The following AFAP1L2 variants were observed in gnomAD, a reference collection of about 807,000 sequenced individuals.
AFAP1L2 encodes actin filament-associated protein 1-like 2.
Under a neutral mutation model 99.3 loss-of-function variants are expected in AFAP1L2, and 46 were observed. That is an observed-to-expected ratio of 0.46 (90% CI 0.37 to 0.59). The LOEUF is 0.59. Among genes scored for constraint, AFAP1L2 ranks in the 20% least tolerant of loss-of-function variants. The pLI, the probability that AFAP1L2 is intolerant of heterozygous loss-of-function variation, is 0.00. For synonymous variants in AFAP1L2, 397 were observed against 419.1 expected, an observed-to-expected ratio of 0.95 and a Z score of 0.64; for missense variants, 959 against 1,034.9, an observed-to-expected ratio of 0.93 and a Z score of 1.01.
intron 1 of AFAP1L2, among the ~76,000 whole-genome samples, chr10:114,369,317 C>T (rs907027435): frequency 2.6e-5 from 4 of 152,134 alleles, no homozygotes; most frequent in African/African-American, 9.7e-5. Context: ...ACAAACAGGC[C>T]GGGCACAGTG....
rs747277134 is a variant in AFAP1L2 at position 114,382,588 on chromosome 10, C to CTTCTTTTTTTTTTTTTTT, written c.16+21851_16+21852insAAAAAAAAAAAAAAAGAA. ...CAATGATATTATGTATATTTCTTCT[C>CTTCTTTTTTTTTTTTTTT]TTTTTTTTTTTTTTTTTTTTTTGAG... On this transcript the variant is annotated intron_variant, in intron 1 of 18. Transcript: ENST00000304129. Among the ~76,000 whole-genome samples the CTTCTTTTTTTTTTTTTTT allele has an allele frequency of 3.2e-5, 3 of 93,296 alleles. 1 individual carries two copies. Among genetic ancestry groups the CTTCTTTTTTTTTTTTTTT allele is most frequent in the African/African-American group, 1.2e-4 (3 of 24,584 alleles). 61.2% of individuals were successfully genotyped at this position (93,296 alleles called of 152,430 possible). A position where few individuals can be genotyped will look rare whatever the true frequency, so the allele number is the denominator to read the frequency against.
chr10:114,304,689 G>C, intron 11 of AFAP1L2, 30 bp downstream of exon 11: 1 of 1,561,348 alleles, frequency 6.4e-7, no homozygotes. Flanking sequence ...CACCCTGGCT[G>C]GCCCTGCTCC....
At chr10:114,404,836 G>A, upstream of AFAP1L2, 1 of 213,610 alleles carries the variant, frequency 4.7e-6, no homozygotes, top group Non-Finnish European at 9.2e-6. Flanking sequence ...GGCTCCGGGA[G>A]GCCGGGCTTG....
chr10:114,382,259 A>G (rs1285568850), intron 1 of AFAP1L2, among the ~76,000 whole-genome samples: 1 of 56,946 alleles, frequency 1.8e-5, no homozygotes, highest in East Asian at 5.9e-4. Context: ...ATTGGGGGAA[A>G]ATGTAAATGC....
At chr10:114,343,212 A>G (rs1228280497) in intron 1 of AFAP1L2, among the ~76,000 whole-genome samples, 2 of 152,260 alleles carry the variant, frequency 1.3e-5, no homozygotes, top group East Asian at 3.9e-4. Flanking sequence ...AACCCAAACA[A>G]TTCTTCCCCC....
At chr10:114,364,578 C>T (rs750199096) in intron 1 of AFAP1L2, among the ~76,000 whole-genome samples, 7 of 152,180 alleles carry the variant, frequency 4.6e-5, no homozygotes, top group Admixed American at 6.5e-5. Context: ...ACACCAGTCA[C>T]GGGATAAGTG....
At chr10:114,293,393 C>T (rs1163860538), downstream of AFAP1L2, among the ~76,000 whole-genome samples, 2 of 152,160 alleles carry the variant, frequency 1.3e-5, no homozygotes, top group Admixed American at 1.3e-4. Flanking sequence ...GATTGAATTA[C>T]TTGGATTTAA....
chr10:114,285,854 T>A, the AFAP1L2 span: 1 of 1,349,016 alleles, frequency 7.4e-7, no homozygotes, highest in Non-Finnish European at 9.9e-7. Context: ...ATCTCCCTCC[T>A]GGGAGATGTT....
intron 1 of AFAP1L2, among the ~76,000 whole-genome samples, chr10:114,374,160 G>T (rs573804418): frequency 6.6e-6 from 1 of 151,960 alleles, no homozygotes; most frequent in Non-Finnish European, 1.5e-5. Flanking sequence ...ATGTTTTGTC[G>T]GTTATTTCAT....
In AFAP1L2 at chr10:114,297,109, AT is replaced by A. The variant is rs1213460903; in HGVS notation, c.2308-10del. On this transcript the variant is annotated splice_polypyrimidine_tract_variant and intron_variant, in intron 17 of 18. Transcript: ENST00000304129. ...GGTGTGACAGCTTTGGGCTGTGGTT[AT>A]AGGAGGAGAGCAAGGGCTGAGTCAA... 6.2e-7 allele frequency: 1 copy of A among 1,613,942 alleles called. No homozygotes were observed. The highest frequency in any genetic ancestry group is 8.5e-7 in the Non-Finnish European group (1 of 1,179,954).
At chr10:114,308,408 TC>T in intron 9 of AFAP1L2, 24 bp downstream of exon 9, 4 of 1,603,076 alleles carry the variant, frequency 2.5e-6, no homozygotes, top group Non-Finnish European at 3.4e-6. Context: ...GGGACACCAT[TC>T]CCCTCCCAAC....
At chr10:114,365,531 A>T (rs1184345677) in intron 1 of AFAP1L2, among the ~76,000 whole-genome samples, 4 of 152,184 alleles carry the variant, frequency 2.6e-5, no homozygotes, top group Non-Finnish European at 5.9e-5. Flanking sequence ...GATAATCTTT[A>T]TCCTGTATAG....
chr10:114,359,872 C>A (rs1430172749), intron 1 of AFAP1L2, among the ~76,000 whole-genome samples: 1 of 152,046 alleles, frequency 6.6e-6, no homozygotes, highest in Non-Finnish European at 1.5e-5. Context: ...TCTGCCTTGG[C>A]CCCTCCAATC....
chr10:114,315,371 A>C (rs1252265362), intron 6 of AFAP1L2, among the ~76,000 whole-genome samples, 189 bp downstream of exon 6: 1 of 152,226 alleles, frequency 6.6e-6, no homozygotes, highest in East Asian at 1.9e-4. Flanking sequence ...TTTCTGGTTC[A>C]GAAAAAGTAC....
At chr10:114,284,731 G>C in the AFAP1L2 span, 10 of 794,100 alleles carry the variant, frequency 1.3e-5, 1 homozygote, top group Admixed American at 1.8e-4. Context: ...CAGATTTCCT[G>C]GTGGACTGTG....
At position 114,370,796 on chromosome 10, in the gene AFAP1L2, A is replaced by T. The variant is rs972813038; in HGVS notation, c.17-30065T>A. On this transcript the variant is annotated intron_variant, in intron 1 of 18. Transcript: ENST00000304129. ...CTGTGCCCCGCTTCTGTATCTTGCC[A>T]TTGGAGGTCACTGGGTTCATCGAAA... Among the ~76,000 whole-genome samples the T allele has an allele frequency of 2.0e-5, 3 of 152,118 alleles. No individual in the cohort carries two copies. In the East Asian group the frequency reaches 5.8e-4, roughly 29 times the overall value.
At chr10:114,404,169 C>T (rs1195419545) in intron 1 of AFAP1L2, among the ~76,000 whole-genome samples, 5 of 152,192 alleles carry the variant, frequency 3.3e-5, no homozygotes, top group African/African-American at 9.6e-5. Context: ...TCTCCTGCAA[C>T]AGGTGAGAAG....
intron 7 of AFAP1L2, among the ~76,000 whole-genome samples, chr10:114,312,294 C>G (rs1457181201): frequency 6.6e-6 from 1 of 150,378 alleles, no homozygotes; most frequent in Non-Finnish European, 1.5e-5. Context: ...CATATACATG[C>G]GCAATGCATG....
rs2058540553 is a variant in AFAP1L2 at position 114,404,461 on chromosome 10, C to T, written c.-6G>A. On this transcript the variant is annotated 5_prime_UTR_variant, in exon 1 of 19. Transcript: ENST00000304129. ...TCACCTTTGTACCGCTCCATCGGGG[C>T]CACGGAGTGCGCTCCTCGCGGCTCG... The T allele has an allele frequency of 6.5e-7, 1 of 1,539,632 alleles. No individual in the cohort carries two copies.
Sources: gnomAD v4.1 joint callset for allele counts (sites outside exome capture counted in the v4.1 genomes callset) on GRCh38, gnomAD v4.1.1 for gene constraint, MANE v1.5 for transcripts, NCBI Gene and HGNC (gene_info 2026-07-23, HGNC 2026-07-21) for gene names.